YPEL1: variants seen among roughly 807,000 people sequenced by gnomAD.
YPEL1 encodes the protein yippee like 1, also known as protein yippee-like 1.
A neutral mutation model predicts 17.3 loss-of-function variants in YPEL1; 7 were observed. That is an observed-to-expected ratio of 0.40 (90% confidence interval 0.23 to 0.76). The LOEUF is 0.76. Ranked by LOEUF, YPEL1 falls within the 30% of genes least tolerant of loss-of-function variation. YPEL1 has a pLI of 0.35. For synonymous variants in YPEL1, 59 were observed against 59.6 expected (o/e 0.99, Z 0.05); for missense variants, 91 against 155.5 (o/e 0.59, Z 2.21).
At chr22:21,706,050 A>G (rs1164337479) in intron 2 of YPEL1, among the ~76,000 whole-genome samples, 1 of 150,560 alleles carries the variant, frequency 6.6e-6, no homozygotes, top group East Asian at 1.9e-4. Flanking sequence ...GAATTGCTTG[A>G]ACCTGGGAGG....
At chr22:21,711,122 C>G (rs1238398974) in intron 1 of YPEL1, among the ~76,000 whole-genome samples, 1 of 151,542 alleles carries the variant, frequency 6.6e-6, no homozygotes, top group Admixed American at 6.6e-5. Context: ...CTCCTGGGTT[C>G]AAGCGATTCT....
At position 21,703,249 on chromosome 22, in the gene YPEL1, A is replaced by G; in HGVS notation, c.270+121T>C. The G allele has an allele frequency of 1.2e-6, 1 of 820,818 alleles. No homozygotes were observed. Among genetic ancestry groups the G allele is most frequent in the Non-Finnish European group, 2.0e-6 (1 of 497,820 alleles). 50.8% of individuals were successfully genotyped at this position (820,818 alleles called of 1,614,324 possible). A position where few individuals can be genotyped will look rare whatever the true frequency, so the allele number is the denominator to read the frequency against. On this transcript the variant is annotated intron_variant, in intron 4 of 4. Transcript: ENST00000339468. The surrounding 1 kb of genome is among the most constrained non-coding windows in gnomAD (Gnocchi z 6.1). Reference sequence around the variant, plus strand: ...CTGGACTTCCCACCTCGGCTGAGGAACTGGGGTTTCTGAAAGTGCTGTGAC... The same window carrying G: ...CTGGACTTCCCACCTCGGCTGAGGAGCTGGGGTTTCTGAAAGTGCTGTGAC...
At chr22:21,718,423 C>G (rs1411895400) in intron 1 of YPEL1, among the ~76,000 whole-genome samples, 1 of 151,712 alleles carries the variant, frequency 6.6e-6, no homozygotes. Flanking sequence ...TGAGATCGCA[C>G]CACTGCACTC....
intron 1 of YPEL1, among the ~76,000 whole-genome samples, chr22:21,727,801 T>A (rs2068349440): frequency 6.6e-6 from 1 of 152,124 alleles, no homozygotes; most frequent in Admixed American, 6.5e-5. Flanking sequence ...GGACAGCCTG[T>A]TCCCCTCAAT....
chr22:21,727,951 G>A lies in YPEL1; in HGVS notation c.-165+7664C>T, dbSNP rs571117604. 6.2e-3 allele frequency among the ~76,000 whole-genome samples: 951 copies of A among 152,310 alleles called. 7 individuals carry two copies. The highest frequency in any genetic ancestry group is 0.01 in the Non-Finnish European group (703 of 68,024). On this transcript the variant is annotated intron_variant, in intron 1 of 4. Coordinates refer to ENST00000339468, the MANE Select transcript of YPEL1 (RefSeq NM_013313.5). ...GCCTCAGGCAGATACGGAAGCCAGTGCGTCAGGGTCAGAGGCTGCAAAGCT... is the reference window on the plus strand; with the variant it reads ...GCCTCAGGCAGATACGGAAGCCAGTACGTCAGGGTCAGAGGCTGCAAAGCT...
intron 1 of YPEL1, among the ~76,000 whole-genome samples, chr22:21,716,273 T>C (rs1308518280): frequency 1.3e-5 from 2 of 152,250 alleles, no homozygotes; most frequent in Non-Finnish European, 1.5e-5. Context: ...TTTGTAAAAC[T>C]ATGATAAGCC....
chr22:21,705,548 G>C (rs1340607983), intron 2 of YPEL1, among the ~76,000 whole-genome samples: 1 of 152,204 alleles, frequency 6.6e-6, no homozygotes, highest in Non-Finnish European at 1.5e-5. Flanking sequence ...AAGGCTATGA[G>C]GAATGTGACT....
At chr22:21,734,176 T>G (rs1440321365) in intron 1 of YPEL1, among the ~76,000 whole-genome samples, 1 of 152,184 alleles carries the variant, frequency 6.6e-6, no homozygotes, top group Non-Finnish European at 1.5e-5. Context: ...GTCGTGTTTG[T>G]GCCACTGCAC....
chr22:21,728,385 G>C (rs926769694), intron 1 of YPEL1, among the ~76,000 whole-genome samples: 4 of 152,154 alleles, frequency 2.6e-5, no homozygotes, highest in African/African-American at 9.7e-5. Flanking sequence ...AAAACCACCA[G>C]CTCCTGGAAA....
intron 2 of YPEL1, among the ~76,000 whole-genome samples, chr22:21,708,748 C>A (rs1029084731): frequency 1.3e-5 from 2 of 151,412 alleles, no homozygotes; most frequent in Non-Finnish European, 2.9e-5. Context: ...CTCACTGCAA[C>A]CTCCGCCTCC....
intron 1 of YPEL1, among the ~76,000 whole-genome samples, chr22:21,734,798 G>A (rs1601647914): frequency 1.3e-5 from 2 of 152,318 alleles, no homozygotes; most frequent in East Asian, 3.9e-4. Flanking sequence ...CCCAGTGGTG[G>A]TAAACCTAGT....
rs541891176 is a variant in YPEL1, at chr22:21,702,753, T to C, written c.270+617A>G. ...ACTCGGCCACGAAGGTCAGAGAGAG[T>C]GGAGCCTGGAAGAGAGACTTCAGGG... On this transcript the variant is annotated intron_variant, in intron 4 of 4. Coordinates refer to ENST00000339468, the MANE Select transcript of YPEL1 (RefSeq NM_013313.5). Among the ~76,000 whole-genome samples, 21 of 151,102 alleles carry C rather than the reference T, an allele frequency of 1.4e-4. No homozygotes were observed. In the East Asian group the frequency reaches 3.7e-3, roughly 27 times the overall value.
At chr22:21,712,909 C>T (rs1052906050) in intron 1 of YPEL1, among the ~76,000 whole-genome samples, 8 of 152,030 alleles carry the variant, frequency 5.3e-5, no homozygotes, top group African/African-American at 1.9e-4. Flanking sequence ...GAAACTCCTA[C>T]AACTCAACAA....
rs1569056865 is a variant in YPEL1 at position 21,701,128 on chromosome 22, A to G, written c.*1T>C. 1 of 1,613,038 alleles carries G rather than the reference A, an allele frequency of 6.2e-7. No individual in the cohort carries two copies. The highest frequency in any genetic ancestry group is 8.5e-7 in the Non-Finnish European group (1 of 1,179,156). On this transcript the variant is annotated 3_prime_UTR_variant, in exon 5 of 5. Coordinates refer to ENST00000339468, the MANE Select transcript of YPEL1 (RefSeq NM_013313.5). ...TCAAAGGAGAAGGGAAAGTTCGCAC[A>G]TTACTCCCAGCCATTGTCTTTGATC... is the stretch of plus-strand genomic sequence containing the variant.
chr22:21,731,000 AT>A (rs1055912268), intron 1 of YPEL1, among the ~76,000 whole-genome samples: 10 of 151,146 alleles, frequency 6.6e-5, no homozygotes, highest in South Asian at 2.1e-4. Context: ...CCTGTACTAC[AT>A]TTTTTTTTCT....
chr22:21,698,174 G>A lies in YPEL1; in HGVS notation c.*2955C>T, dbSNP rs1032889619. The A allele has an allele frequency of 2.6e-5, 4 of 151,428 alleles. No individual in the cohort carries two copies. The highest frequency in any genetic ancestry group is 5.9e-5 in the Non-Finnish European group (4 of 67,932). 9.4% of individuals were successfully genotyped at this position (151,428 alleles called of 1,614,324 possible). On this transcript the variant is annotated 3_prime_UTR_variant, in exon 5 of 5. Coordinates refer to ENST00000339468, the MANE Select transcript of YPEL1 (RefSeq NM_013313.5). ...AGCACTTCCCCTGAAGCCAGCTCAT[G>A]GTCTGTTCATTTGGTTTAAAAATGA...
intron 1 of YPEL1, among the ~76,000 whole-genome samples, chr22:21,726,715 C>G (rs7293059): frequency 0.027 from 4,038 of 152,328 alleles, 192 homozygotes; most frequent in African/African-American, 0.092. Context: ...GTAGCCCAGC[C>G]TGCTGCCCTC....
At chr22:21,706,033 G>C (rs968917722) in intron 2 of YPEL1, among the ~76,000 whole-genome samples, 17 of 151,930 alleles carry the variant, frequency 1.1e-4, no homozygotes, top group African/African-American at 4.1e-4. Flanking sequence ...AGGAAGCTGA[G>C]GCAGGAGAAT....
chr22:21,730,776 C>T (rs1416952302), intron 1 of YPEL1, among the ~76,000 whole-genome samples: 1 of 152,200 alleles, frequency 6.6e-6, no homozygotes, highest in Non-Finnish European at 1.5e-5. Flanking sequence ...TGCCCTGAGA[C>T]AAAGCTCCAT....
Sources: allele counts gnomAD v4.1 joint callset (sites outside exome capture counted in the v4.1 genomes callset), GRCh38; gene constraint gnomAD v4.1.1; non-coding constraint Gnocchi (gnomAD v3.1); transcripts MANE v1.5; gene names NCBI Gene and HGNC (gene_info 2026-07-23, HGNC 2026-07-21).